SLC35F1: variants seen among roughly 807,000 people sequenced by gnomAD.
SLC35F1 encodes solute carrier family 35 member F1.
Under a neutral mutation model 48.7 loss-of-function variants are expected in SLC35F1, and 14 were observed. That is an observed-to-expected ratio of 0.29 (90% CI 0.19 to 0.45). The LOEUF is 0.45. SLC35F1 is among the 20% of genes least tolerant of loss of function. SLC35F1 has a pLI of 1.00. For missense variants in SLC35F1, 404 were observed against 500.0 expected (o/e 0.81, Z 1.83); for synonymous variants, 190 against 202.2 (o/e 0.94, Z 0.51).
chr6:118,192,846 T>A (rs1282092132), intron 2 of SLC35F1, among the ~76,000 whole-genome samples: 1 of 152,114 alleles, frequency 6.6e-6, no homozygotes, highest in Non-Finnish European at 1.5e-5. Context: ...AAGTTAGAGG[T>A]CAGAAAAGAC....
intron 1 of SLC35F1, among the ~76,000 whole-genome samples, chr6:118,007,253 C>T (rs1777185734): frequency 6.6e-6 from 1 of 152,140 alleles, no homozygotes; most frequent in Admixed American, 6.6e-5. Flanking sequence ...TCACTGGTGC[C>T]ACTCCTGTGA....
chr6:118,008,535 A>G (rs949976596), intron 1 of SLC35F1, among the ~76,000 whole-genome samples: 1 of 152,236 alleles, frequency 6.6e-6, no homozygotes, highest in African/African-American at 2.4e-5. Context: ...TGTGGCTGCC[A>G]TCACTCACAG....
In SLC35F1 at chr6:118,104,888, C is replaced by T. The variant is rs181585808; in HGVS notation, c.174-49557C>T. The stretch of plus-strand genomic sequence containing the variant: ...GTGTCTACTGTGACCATGATGTTCT[C>T]AGCACCTTGTCCTACACATGAGCCT... On this transcript the variant is annotated intron_variant, in intron 1 of 7. Coordinates refer to ENST00000360388, the MANE Select transcript of SLC35F1 (RefSeq NM_001029858.4). Among the ~76,000 whole-genome samples, 12 of 152,280 alleles carry T rather than the reference C, an allele frequency of 7.9e-5. No individual in the cohort carries two copies. The East Asian group carries it at 1.5e-3, about 20-fold the overall frequency.
chr6:118,268,635 A>C (rs1775810405), intron 4 of SLC35F1, among the ~76,000 whole-genome samples: 1 of 108,466 alleles, frequency 9.2e-6, no homozygotes, highest in Non-Finnish European at 1.8e-5. Flanking sequence ...TTTGAGACAG[A>C]GTCCCGCTCT....
chr6:118,023,074 A>G (rs1399080554), intron 1 of SLC35F1, among the ~76,000 whole-genome samples: 2 of 152,028 alleles, frequency 1.3e-5, no homozygotes, highest in African/African-American at 2.4e-5. Flanking sequence ...TTTTTTCATA[A>G]TGCTCAGCCA....
chr6:118,002,074 C>A (rs1413036653), intron 1 of SLC35F1, among the ~76,000 whole-genome samples: 7 of 147,930 alleles, frequency 4.7e-5, no homozygotes, highest in South Asian at 4.6e-4. Context: ...CTAGAAATAC[C>A]ATTTGACCCA....
chr6:117,999,529 G>T (rs1777056447), intron 1 of SLC35F1: 2 of 880,786 alleles, frequency 2.3e-6, no homozygotes, highest in Non-Finnish European at 3.5e-6. Context: ...ATGGGGCTGG[G>T]GTCCTCCTGT....
At chr6:118,033,960 A>T (rs1310004126) in intron 1 of SLC35F1, among the ~76,000 whole-genome samples, 12 of 152,208 alleles carry the variant, frequency 7.9e-5, no homozygotes, top group Non-Finnish European at 4.4e-5. Flanking sequence ...GTATTTATTG[A>T]ATCAATCAAT....
chr6:118,288,797 T>C (rs77200743), intron 7 of SLC35F1, among the ~76,000 whole-genome samples: 2,108 of 152,208 alleles, frequency 0.014, 21 homozygotes, highest in Middle Eastern at 0.034. Flanking sequence ...ATTCAGATGG[T>C]TGGGGGGGCC....
intron 1 of SLC35F1, among the ~76,000 whole-genome samples, chr6:117,936,014 T>A (rs1354170997): frequency 6.6e-6 from 1 of 152,242 alleles, no homozygotes; most frequent in Non-Finnish European, 1.5e-5. Flanking sequence ...TGTTTGTGGT[T>A]CTCTTGATTG....
At chr6:118,284,747 C>T (rs75095514) in intron 6 of SLC35F1, among the ~76,000 whole-genome samples, 6,024 of 152,164 alleles carry the variant, frequency 0.04, 410 homozygotes, top group African/African-American at 0.14. Context: ...TTAAAGACTA[C>T]GTAGTTATTC....
intron 1 of SLC35F1, among the ~76,000 whole-genome samples, chr6:117,959,183 T>C (rs1776464237): frequency 6.6e-6 from 1 of 152,200 alleles, no homozygotes; most frequent in Admixed American, 6.5e-5. Context: ...CATGTTCCCT[T>C]GAACAGTGTG....
At position 118,025,414 on chromosome 6, in the gene SLC35F1, G is replaced by A. The variant is rs148890123; in HGVS notation, c.173+117515G>A. 8.1e-3 allele frequency among the ~76,000 whole-genome samples: 1,227 copies of A among 152,212 alleles called. 2 individuals carry two copies. The highest frequency in any genetic ancestry group is 0.031 in the Middle Eastern group (9 of 294). Reference sequence around the variant, plus strand: ...CATGCTATCAATATAACTCATCGTCGTTGATACTAACCTTGATCACCTGGC... The same window carrying A: ...CATGCTATCAATATAACTCATCGTCATTGATACTAACCTTGATCACCTGGC... On this transcript the variant is annotated intron_variant, in intron 1 of 7. Transcript: ENST00000360388.
intron 7 of SLC35F1, among the ~76,000 whole-genome samples, chr6:118,297,999 G>C (rs1396449691): frequency 6.6e-6 from 1 of 151,744 alleles, no homozygotes; most frequent in African/African-American, 2.4e-5. Context: ...TTGTTTAAAA[G>C]AATCTGGGAC....
chr6:117,944,520 T>C (rs538592451), intron 1 of SLC35F1, among the ~76,000 whole-genome samples: 1 of 152,146 alleles, frequency 6.6e-6, no homozygotes, highest in East Asian at 1.9e-4. Flanking sequence ...ATTATTTTTG[T>C]TTTTATTTTC....
intron 3 of SLC35F1, among the ~76,000 whole-genome samples, chr6:118,245,169 T>C (rs1246866249): frequency 6.6e-6 from 1 of 152,240 alleles, no homozygotes; most frequent in Admixed American, 6.5e-5. Context: ...TTATATTCTA[T>C]AATCGATCTA....
At chr6:117,928,943 C>T (rs1776064340) in intron 1 of SLC35F1, among the ~76,000 whole-genome samples, 1 of 152,068 alleles carries the variant, frequency 6.6e-6, no homozygotes, top group Non-Finnish European at 1.5e-5. Context: ...CCCTCCTAGT[C>T]TTAAAAACTT....
chr6:118,235,522 C>G lies in SLC35F1; in HGVS notation c.363C>G (p.Leu121=), dbSNP rs201078068. The G allele has an allele frequency of 6.2e-7, 1 of 1,613,028 alleles. No individual in the cohort carries two copies. The highest frequency in any genetic ancestry group is 1.3e-5 in the African/African-American group (1 of 75,000). ...TTTGTAACACAGGAGAAGAAAACCTCCTGGCAATTTTACGACGAAGATGGT... is the reference window on the plus strand; with the variant it reads ...TTTGTAACACAGGAGAAGAAAACCTGCTGGCAATTTTACGACGAAGATGGT... ...TLAVRQGEEN[L]LAILRRRWWK... The change falls in exon 3 of 8, where the codon CTC becomes CTG. Residue 121 remains leucine, a synonymous_variant. Coordinates refer to ENST00000360388, the MANE Select transcript of SLC35F1 (RefSeq NM_001029858.4).
intron 1 of SLC35F1, among the ~76,000 whole-genome samples, chr6:117,991,894 A>C (rs577796990): frequency 1.3e-5 from 2 of 152,280 alleles, no homozygotes; most frequent in Admixed American, 1.3e-4. Flanking sequence ...TGTCCAACTG[A>C]ACATTTTTTT....
Sources: allele counts gnomAD v4.1 joint callset (sites outside exome capture counted in the v4.1 genomes callset), GRCh38; gene constraint gnomAD v4.1.1; transcripts MANE v1.5; gene names NCBI Gene and HGNC (gene_info 2026-07-23, HGNC 2026-07-21).